Variants in EDIL3 observed in about 807,000 individuals in gnomAD.
EDIL3 encodes the protein EGF-like repeat and discoidin I-like domain-containing protein 3.
In EDIL3, 37 loss-of-function variants were observed where a neutral mutation model predicts 67.4. That is an observed-to-expected ratio of 0.55 (90% confidence interval 0.42 to 0.72). EDIL3 has a LOEUF of 0.72. EDIL3 is among the 30% of genes least tolerant of loss of function. The pLI, the probability that EDIL3 is intolerant of heterozygous loss-of-function variation, is 0.00. For synonymous variants in EDIL3, 195 were observed against 196.3 expected (o/e 0.99, Z 0.05); for missense variants, 527 against 586.3 (o/e 0.90, Z 1.04).
intron 9 of EDIL3, among the ~76,000 whole-genome samples, chr5:84,013,016 C>T (rs1745542716): frequency 6.6e-6 from 1 of 151,858 alleles, no homozygotes; most frequent in Non-Finnish European, 1.5e-5. Context: ...AAACATATCG[C>T]TGGCAGATTC....
At chr5:84,203,458 T>C (rs1468341185) in intron 3 of EDIL3, among the ~76,000 whole-genome samples, 1 of 152,164 alleles carries the variant, frequency 6.6e-6, no homozygotes, top group African/African-American at 2.4e-5. Flanking sequence ...ATCCCATAAA[T>C]TGCTCTCAAA....
chr5:84,137,394 T>G, intron 4 of EDIL3, 40 bp from the exon 5 acceptor site: 1 of 1,542,008 alleles, frequency 6.5e-7, no homozygotes, highest in African/African-American at 1.4e-5. Context: ...GAATTATTGG[T>G]AAAAAATGAT....
At chr5:84,302,194 C>T (rs1488881194) in intron 1 of EDIL3, among the ~76,000 whole-genome samples, 1 of 152,060 alleles carries the variant, frequency 6.6e-6, no homozygotes, top group Admixed American at 6.6e-5. Context: ...CTTTTATCAG[C>T]TCCATGTTAA....
chr5:84,032,828 C>T (rs1415027504), intron 9 of EDIL3, among the ~76,000 whole-genome samples: 1 of 152,128 alleles, frequency 6.6e-6, no homozygotes, highest in Non-Finnish European at 1.5e-5. Flanking sequence ...TGCCAATATG[C>T]TGTTATGTTT....
chr5:84,214,892 G>A (rs1189448332), intron 3 of EDIL3, among the ~76,000 whole-genome samples: 1 of 151,900 alleles, frequency 6.6e-6, no homozygotes, highest in Non-Finnish European at 1.5e-5. Flanking sequence ...CCAATTTTTT[G>A]TGTTTTAGTA....
intron 2 of EDIL3, among the ~76,000 whole-genome samples, chr5:84,234,899 G>A (rs1046350010): frequency 5.3e-5 from 8 of 151,998 alleles, no homozygotes; most frequent in African/African-American, 1.7e-4. Context: ...CAACTGCAGT[G>A]ATGCAAAAAT....
chr5:84,022,870 T>C (rs1286056196), intron 9 of EDIL3, among the ~76,000 whole-genome samples: 2 of 151,996 alleles, frequency 1.3e-5, no homozygotes, highest in Non-Finnish European at 2.9e-5. Flanking sequence ...AACAATGTAC[T>C]ATATATTTCA....
rs534962706 is a variant in EDIL3 at position 84,029,209 on chromosome 5, T to A, written c.1137+31091A>T. On this transcript the variant is annotated intron_variant, in intron 9 of 10. Coordinates refer to ENST00000296591, the MANE Select transcript of EDIL3 (RefSeq NM_005711.5). ...GAGGTGGAGTTTGCAGTGAGCCAATTGCGCCACTGCACTCCAGCCTGGGGG... is the reference window on the plus strand; with the variant it reads ...GAGGTGGAGTTTGCAGTGAGCCAATAGCGCCACTGCACTCCAGCCTGGGGG... Among the ~76,000 whole-genome samples, 582 of 152,142 alleles carry A rather than the reference T, an allele frequency of 3.8e-3. 4 individuals are homozygous for A. The highest frequency in any genetic ancestry group is 0.013 in the African/African-American group (559 of 41,514).
intron 4 of EDIL3, among the ~76,000 whole-genome samples, chr5:84,149,606 C>G (rs372349898): frequency 2.0e-5 from 3 of 152,100 alleles, no homozygotes; most frequent in East Asian, 3.9e-4. Flanking sequence ...GAGCACTCAG[C>G]AAGATAAAAT....
At chr5:84,378,703 T>A (rs1748018291) in intron 1 of EDIL3, among the ~76,000 whole-genome samples, 1 of 152,192 alleles carries the variant, frequency 6.6e-6, no homozygotes, top group Non-Finnish European at 1.5e-5. Context: ...TCAAGGCAAG[T>A]GGCTTCTCCA....
chr5:84,348,816 CA>C (rs141199514), intron 1 of EDIL3, among the ~76,000 whole-genome samples: 132 of 152,216 alleles, frequency 8.7e-4, no homozygotes, highest in African/African-American at 3.0e-3. Context: ...AAAGTACCAT[CA>C]AAACTTGTAC....
chr5:84,141,952 G>GATCAATCT (rs71605902), intron 4 of EDIL3, among the ~76,000 whole-genome samples: 2 of 108,368 alleles, frequency 1.8e-5, no homozygotes, highest in Admixed American at 1.1e-4. Flanking sequence ...TATATACATA[G>GATCAATCT]ATCTATCTAT....
intron 1 of EDIL3, among the ~76,000 whole-genome samples, chr5:84,261,396 T>C (rs184041198): frequency 7.2e-4 from 110 of 152,302 alleles, no homozygotes; most frequent in South Asian, 1.9e-3. Context: ...ATTTCACTTG[T>C]TGAACATTCT....
chr5:84,308,291 G>A (rs959460064), intron 1 of EDIL3, among the ~76,000 whole-genome samples: 11 of 152,122 alleles, frequency 7.2e-5, no homozygotes, highest in African/African-American at 1.7e-4. Context: ...TTTTGAAAAC[G>A]CTGAGTGTGA....
At position 84,099,884 on chromosome 5, in the gene EDIL3, G is replaced by GA. The variant is rs149658541; in HGVS notation, c.651+6764dup. ...ACAAAGAACTTAAACAAATTTACAA[G>GA]AAAAAAAAACCCATCAAAAAGTGGT... On this transcript the variant is annotated intron_variant, in intron 6 of 10. Coordinates refer to ENST00000296591, the MANE Select transcript of EDIL3 (RefSeq NM_005711.5). 6.7e-3 allele frequency among the ~76,000 whole-genome samples: 1,011 copies of GA among 149,800 alleles called. 11 individuals are homozygous for GA. The highest frequency in any genetic ancestry group is 0.023 in the African/African-American group (942 of 40,708).
At chr5:84,250,997 TTTTG>T (rs1205557258) in intron 2 of EDIL3, among the ~76,000 whole-genome samples, 27 of 152,228 alleles carry the variant, frequency 1.8e-4, no homozygotes, top group African/African-American at 6.5e-4. Context: ...CACATGTGTT[TTTTG>T]TTTGTTTGTT....
chr5:84,172,971 T>A (rs1303543171), intron 4 of EDIL3, among the ~76,000 whole-genome samples: 2 of 152,180 alleles, frequency 1.3e-5, no homozygotes, highest in Non-Finnish European at 2.9e-5. Flanking sequence ...TGGCTCTGGG[T>A]CTGCTCTTCA....
At chr5:83,991,465 T>C (rs190036361) in intron 9 of EDIL3, among the ~76,000 whole-genome samples, 16 of 152,188 alleles carry the variant, frequency 1.1e-4, no homozygotes, top group Admixed American at 3.3e-4. Context: ...ATGTTTTCTT[T>C]CTATGATCAC....
Position 84,069,144 on chromosome 5 carries a change from A to T in EDIL3, c.652-2538T>A, listed in dbSNP as rs570666712. On this transcript the variant is annotated intron_variant, in intron 6 of 10. Coordinates refer to ENST00000296591, the MANE Select transcript of EDIL3 (RefSeq NM_005711.5). Reference sequence around the variant, plus strand: ...TGAGCTTGGTGGATGCCTGAAAAGGAAATAAAATATTTTCATTTATGTATC... The same window carrying T: ...TGAGCTTGGTGGATGCCTGAAAAGGTAATAAAATATTTTCATTTATGTATC... Among the ~76,000 whole-genome samples, 6 of 152,322 alleles carry T rather than the reference A, an allele frequency of 3.9e-5. No individual in the cohort carries two copies. The East Asian group carries it at 9.7e-4, about 25-fold the overall frequency.
Sources: gnomAD v4.1 joint callset for allele counts (sites outside exome capture counted in the v4.1 genomes callset) on GRCh38, gnomAD v4.1.1 for gene constraint, MANE v1.5 for transcripts, NCBI Gene and HGNC (gene_info 2026-07-23, HGNC 2026-07-21) for gene names.